Variants in PCDH15 observed in about 807,000 individuals in gnomAD.
The protein encoded by PCDH15 is protocadherin related 15.
Under a neutral mutation model 178.5 loss-of-function variants are expected in PCDH15, and 129 were observed. The observed-to-expected ratio is 0.72, with a 90% confidence interval of 0.63 to 0.84. PCDH15 has a LOEUF of 0.84. Ranked by LOEUF, PCDH15 falls within the 40% of genes least tolerant of loss-of-function variation. The probability of loss-of-function intolerance (pLI) is 0.00; values close to 1 mark genes in which losing one functional copy is unlikely to be tolerated. For synonymous variants in PCDH15, 800 were observed against 732.0 expected, an observed-to-expected ratio of 1.09 and a Z score of -1.50; for missense variants, 2,230 against 2,099.9, an observed-to-expected ratio of 1.06 and a Z score of -1.21.
At chr10:54,217,529 G>A (rs2052232359) in intron 9 of PCDH15, among the ~76,000 whole-genome samples, 2 of 152,048 alleles carry the variant, frequency 1.3e-5, no homozygotes, top group Admixed American at 1.3e-4. Context: ...TTCTTGGCAG[G>A]GGATGATAAA....
At chr10:55,442,484 T>TATA (rs59065367) in intron 2 of PCDH15, among the ~76,000 whole-genome samples, 2,526 of 122,960 alleles carry the variant, frequency 0.021, 71 homozygotes, top group East Asian at 0.1. Flanking sequence ...ATATATATTA[T>TATA]ATATATATAT....
rs554306411 is a variant in PCDH15 at position 54,027,518 on chromosome 10, T to G, written c.2221-4321A>C. The stretch of plus-strand genomic sequence containing the variant: ...AGCCAAAAGAACAAAGCTGGAGGCA[T>G]CACACTACCTGACTTCAAACTATAC... On this transcript the variant is annotated intron_variant, in intron 18 of 37. Transcript: ENST00000644397. Among the ~76,000 whole-genome samples the G allele has an allele frequency of 1.5e-3, 233 of 150,912 alleles. 2 individuals carry two copies. Among genetic ancestry groups the G allele is most frequent in the Middle Eastern group, 0.01 (3 of 292 alleles).
At chr10:54,001,855 T>C (rs913030688) in intron 20 of PCDH15, among the ~76,000 whole-genome samples, 1 of 151,600 alleles carries the variant, frequency 6.6e-6, no homozygotes, top group African/African-American at 2.4e-5. Flanking sequence ...AAGACACACA[T>C]AGACTGAAAA....
At chr10:55,108,836 T>C (rs2132053802) in intron 2 of PCDH15, among the ~76,000 whole-genome samples, 1 of 152,216 alleles carries the variant, frequency 6.6e-6, no homozygotes, top group East Asian at 1.9e-4. Flanking sequence ...TACAATCAAG[T>C]ACTGCCTGGA....
chr10:55,121,366 G>GA (rs368883651), intron 2 of PCDH15, among the ~76,000 whole-genome samples: 61 of 148,940 alleles, frequency 4.1e-4, no homozygotes, highest in Admixed American at 2.7e-3. Context: ...GCTGGGGGGG[G>GA]GCAATTTGCC....
At chr10:53,930,830 A>C (rs1454640944) in intron 25 of PCDH15, among the ~76,000 whole-genome samples, 1 of 152,166 alleles carries the variant, frequency 6.6e-6, no homozygotes. Context: ...CCTCAGCTTC[A>C]ACACCCGATT....
intron 2 of PCDH15, among the ~76,000 whole-genome samples, chr10:55,424,825 TA>T (rs1282412313): frequency 6.6e-6 from 1 of 152,106 alleles, no homozygotes; most frequent in Non-Finnish European, 1.5e-5. Context: ...CCTCTGCTTG[TA>T]TTCCAATTAC....
intron 1 of PCDH15, among the ~76,000 whole-genome samples, chr10:55,219,571 T>C (rs971901827): frequency 1.3e-5 from 2 of 151,358 alleles, no homozygotes; most frequent in South Asian, 2.1e-4. Flanking sequence ...CAGAAACATA[T>C]ATAATAATAT....
At chr10:55,281,432 T>C (rs181248390) in intron 1 of PCDH15, among the ~76,000 whole-genome samples, 3 of 151,946 alleles carry the variant, frequency 2.0e-5, no homozygotes, top group Admixed American at 6.5e-5. Context: ...TTTTTTTTTC[T>C]TTTTCTTTTT....
chr10:54,156,615 C>CA (rs948317857), intron 13 of PCDH15, among the ~76,000 whole-genome samples: 5 of 152,172 alleles, frequency 3.3e-5, no homozygotes, highest in African/African-American at 9.7e-5. Flanking sequence ...GGAATACATC[C>CA]AAACCATATC....
chr10:54,960,556 T>G (rs1044097715), intron 2 of PCDH15, among the ~76,000 whole-genome samples: 3 of 152,208 alleles, frequency 2.0e-5, no homozygotes, highest in Non-Finnish European at 4.4e-5. Flanking sequence ...TGGGCCTGAT[T>G]TCAGTCAATA....
At chr10:54,444,334 G>A (rs768268452) in intron 3 of PCDH15, among the ~76,000 whole-genome samples, 26 of 151,782 alleles carry the variant, frequency 1.7e-4, no homozygotes, top group South Asian at 6.2e-4. Context: ...TAGTGTGCAT[G>A]GCACATGCAA....
At chr10:54,822,398 T>A (rs1038877476) in intron 3 of PCDH15, among the ~76,000 whole-genome samples, 3 of 152,176 alleles carry the variant, frequency 2.0e-5, no homozygotes, top group Admixed American at 6.6e-5. Flanking sequence ...TTTGTCTTCA[T>A]GAGTCTCGCT....
At chr10:54,352,118 A>G (rs113049204) in intron 5 of PCDH15, among the ~76,000 whole-genome samples, 48 of 152,284 alleles carry the variant, frequency 3.2e-4, no homozygotes, top group African/African-American at 1.1e-3. Context: ...CTGGAGTCTC[A>G]TGTGTCATAT....
At chr10:55,551,656 T>A (rs1370694785) in intron 2 of PCDH15, among the ~76,000 whole-genome samples, 1 of 151,794 alleles carries the variant, frequency 6.6e-6, no homozygotes, top group African/African-American at 2.4e-5. Flanking sequence ...AAAGGATATA[T>A]GAATAGAGGA....
intron 2 of PCDH15, among the ~76,000 whole-genome samples, chr10:55,150,827 C>T (rs758428904): frequency 1.3e-4 from 20 of 152,098 alleles, no homozygotes; most frequent in Non-Finnish European, 1.9e-4. Flanking sequence ...ATTGTTAATG[C>T]TTTACACAGC....
At chr10:54,013,483 T>A (rs892570039) in intron 20 of PCDH15, among the ~76,000 whole-genome samples, 4 of 152,176 alleles carry the variant, frequency 2.6e-5, no homozygotes, top group African/African-American at 9.6e-5. Flanking sequence ...TGGCACATAC[T>A]TTAAAATTGA....
At chr10:55,567,323 C>A (rs1842322117) in intron 2 of PCDH15, among the ~76,000 whole-genome samples, 1 of 151,488 alleles carries the variant, frequency 6.6e-6, no homozygotes, top group Non-Finnish European at 1.5e-5. Flanking sequence ...AAACTATAAA[C>A]TCTTACAAGA....
At chr10:53,807,165 C>CAAAT (rs1395265055) in intron 37 of PCDH15, 35 bp from the exon 38 acceptor site, 2 of 1,491,048 alleles carry the variant, frequency 1.3e-6, no homozygotes, top group South Asian at 1.3e-5. Flanking sequence ...GAGTCACTAT[C>CAAAT]AAATAAATTA....
Sources: gnomAD v4.1 joint callset for allele counts (sites outside exome capture counted in the v4.1 genomes callset) on GRCh38, gnomAD v4.1.1 for gene constraint, MANE v1.5 for transcripts, NCBI Gene and HGNC (gene_info 2026-07-23, HGNC 2026-07-21) for gene names.